Variants in SLC1A2 observed in about 807,000 individuals in gnomAD.
The protein encoded by SLC1A2 is excitatory amino acid transporter 2.
In SLC1A2, 15 loss-of-function variants were observed where a neutral mutation model predicts 48.8. The observed-to-expected ratio is 0.31, with a 90% CI of 0.21 to 0.47. The LOEUF (loss-of-function observed/expected upper bound fraction) is 0.47. Among genes scored for constraint, SLC1A2 ranks in the 20% least tolerant of loss-of-function variants. The pLI is 0.99. For missense variants in SLC1A2, 502 were observed against 730.5 expected (o/e 0.69, Z 3.61); for synonymous variants, 279 against 272.6 (o/e 1.02, Z -0.23).
chr11:35,328,347 A>G (rs1460790283), intron 1 of SLC1A2, among the ~76,000 whole-genome samples: 2 of 152,204 alleles, frequency 1.3e-5, no homozygotes, highest in African/African-American at 2.4e-5. Context: ...AAGAATAATG[A>G]TGGTGACAAT....
chr11:35,322,469 A>T, intron 1 of SLC1A2: 2 of 716,234 alleles, frequency 2.8e-6, no homozygotes, highest in African/African-American at 3.5e-5. Flanking sequence ...CACTGATTTG[A>T]TGAGGTGGCA....
intron 1 of SLC1A2, among the ~76,000 whole-genome samples, chr11:35,349,171 C>T (rs930675860): frequency 2.6e-5 from 4 of 152,078 alleles, no homozygotes; most frequent in African/African-American, 9.7e-5. Context: ...GGGGGCACTG[C>T]GGGAGCCCGG....
chr11:35,317,642 G>C, intron 1 of SLC1A2, 126 bp from the exon 2 acceptor site: 1 of 1,191,084 alleles, frequency 8.4e-7, no homozygotes, highest in Non-Finnish European at 1.2e-6. Flanking sequence ...GAAAATAAAA[G>C]TAAGTGTGAC....
At position 35,251,684 on chromosome 11, in the gene SLC1A2, G is replaced by A. The variant is rs114562219; in HGVS notation, c.*9210C>T. 41 of 152,720 alleles carry A rather than the reference G, an allele frequency of 2.7e-4. No individual in the cohort carries two copies. The highest frequency in any genetic ancestry group is 9.6e-4 in the African/African-American group (40 of 41,558). 9.5% of individuals were successfully genotyped at this position (152,720 alleles called of 1,614,324 possible). A position where few individuals can be genotyped will look rare whatever the true frequency, so the allele number is the denominator to read the frequency against. ...CCTAAATTTGAAAGGAGTTGAAGAA[G>A]CCACATTTTCAAGGAAAAATTAGCC... On this transcript the variant is annotated 3_prime_UTR_variant, in exon 11 of 11. Coordinates refer to ENST00000278379, the MANE Select transcript of SLC1A2 (RefSeq NM_004171.4).
intron 1 of SLC1A2, among the ~76,000 whole-genome samples, chr11:35,350,054 A>T (rs1271934191): frequency 6.6e-6 from 1 of 152,138 alleles, no homozygotes; most frequent in African/African-American, 2.4e-5. Flanking sequence ...CATGAAATGA[A>T]AGCACTGTAT....
At chr11:35,364,420 C>T (rs374469903) in intron 1 of SLC1A2, among the ~76,000 whole-genome samples, 1 of 152,210 alleles carries the variant, frequency 6.6e-6, no homozygotes, top group Non-Finnish European at 1.5e-5. Flanking sequence ...CTAAAGGGGC[C>T]TCAGTCAATA....
rs567432796 is a variant in SLC1A2, at chr11:35,252,711, G to C, written c.*8183C>G. 6.6e-6 allele frequency: 1 copy of C among 152,514 alleles called. No homozygotes were observed. Among genetic ancestry groups the C allele is most frequent in the African/African-American group, 2.4e-5 (1 of 41,444 alleles). 9.4% of individuals were successfully genotyped at this position (152,514 alleles called of 1,614,324 possible). A position where few individuals can be genotyped will look rare whatever the true frequency, so the allele number is the denominator to read the frequency against. On this transcript the variant is annotated 3_prime_UTR_variant, in exon 11 of 11. Coordinates refer to ENST00000278379, the MANE Select transcript of SLC1A2 (RefSeq NM_004171.4). The stretch of plus-strand genomic sequence containing the variant: ...GAAAAAGAAATGTTTGCAAAACACC[G>C]ATCAACATGTCTACTGCATTTAGAT...
chr11:35,363,724 G>A (rs150972756), intron 1 of SLC1A2, among the ~76,000 whole-genome samples: 80 of 152,298 alleles, frequency 5.3e-4, no homozygotes, highest in Middle Eastern at 3.4e-3. Flanking sequence ...TCCAGGACAC[G>A]TGGCTGACAA....
intron 1 of SLC1A2, chr11:35,322,588 T>C (rs1852108219): frequency 3.9e-6 from 6 of 1,534,348 alleles, no homozygotes; most frequent in Non-Finnish European, 5.2e-6. Flanking sequence ...ACATCTAACC[T>C]CTCCTCCCTG....
At chr11:35,375,085 A>C (rs1334431434) in intron 1 of SLC1A2, among the ~76,000 whole-genome samples, 1 of 152,260 alleles carries the variant, frequency 6.6e-6, no homozygotes, top group Non-Finnish European at 1.5e-5. Flanking sequence ...CCTATTTTAC[A>C]CATTAAGTGA....
At chr11:35,295,618 A>G (rs914090476) in intron 6 of SLC1A2, among the ~76,000 whole-genome samples, 10 of 149,746 alleles carry the variant, frequency 6.7e-5, no homozygotes, top group African/African-American at 2.0e-4. Flanking sequence ...TCCACATGAG[A>G]AGGACATGGC....
chr11:35,393,190 C>A (rs1351122418), intron 1 of SLC1A2, among the ~76,000 whole-genome samples: 1 of 152,152 alleles, frequency 6.6e-6, no homozygotes, highest in Non-Finnish European at 1.5e-5. Flanking sequence ...GGCAGAAGCC[C>A]AAGATGCATC....
chr11:35,295,317 T>C (rs1393137022), intron 6 of SLC1A2, among the ~76,000 whole-genome samples: 1 of 152,190 alleles, frequency 6.6e-6, no homozygotes, highest in Non-Finnish European at 1.5e-5. Flanking sequence ...CCCAGAGCAC[T>C]AGGATTATAG....
chr11:35,320,154 C>A (rs899588769), intron 1 of SLC1A2, among the ~76,000 whole-genome samples: 1 of 152,018 alleles, frequency 6.6e-6, no homozygotes, highest in African/African-American at 2.4e-5. Context: ...AGCCTATATA[C>A]CTTTAGAATA....
intron 4 of SLC1A2, among the ~76,000 whole-genome samples, chr11:35,311,776 G>T (rs1851695024): frequency 6.6e-6 from 1 of 151,570 alleles, no homozygotes; most frequent in Non-Finnish European, 1.5e-5. Flanking sequence ...ATTCTAGAAG[G>T]TTGTGGGCAA....
chr11:35,405,441 T>C (rs1855259057), intron 1 of SLC1A2, among the ~76,000 whole-genome samples: 2 of 151,140 alleles, frequency 1.3e-5, no homozygotes, highest in South Asian at 2.1e-4. Flanking sequence ...TTTTAACTAA[T>C]GTAATTGAAA....
chr11:35,299,371 G>GTT (rs1187157185), intron 6 of SLC1A2: 1 of 116,182 alleles, frequency 8.6e-6, no homozygotes, highest in African/African-American at 2.7e-5. Flanking sequence ...GTGTGTGTGT[G>GTT]TATATATATA....
chr11:35,287,560 G>T (rs182793442), intron 7 of SLC1A2, among the ~76,000 whole-genome samples: 1 of 152,290 alleles, frequency 6.6e-6, no homozygotes, highest in Admixed American at 6.5e-5. Flanking sequence ...CCTGATATAT[G>T]CTCATCGGCC....
At chr11:35,416,879 G>T (rs1855618760) in intron 1 of SLC1A2, among the ~76,000 whole-genome samples, 1 of 152,196 alleles carries the variant, frequency 6.6e-6, no homozygotes, top group Non-Finnish European at 1.5e-5. Flanking sequence ...AAAAATCCTT[G>T]ACTGGATGGA....
Sources: gnomAD v4.1 joint callset for allele counts (sites outside exome capture counted in the v4.1 genomes callset) on GRCh38, gnomAD v4.1.1 for gene constraint, MANE v1.5 for transcripts, NCBI Gene and HGNC (gene_info 2026-07-23, HGNC 2026-07-21) for gene names.